Variants in CPPED1 observed in about 807,000 individuals in gnomAD.
CPPED1 encodes calcineurin like phosphoesterase domain containing 1, also known as serine/threonine-protein phosphatase CPPED1.
In CPPED1, 28 loss-of-function variants were observed where a neutral mutation model predicts 28.0. The observed-to-expected ratio is 1.00, with a 90% CI of 0.74 to 1.37. The LOEUF is 1.37. CPPED1 is among the 40% of genes most tolerant of loss of function. The probability of loss-of-function intolerance (pLI) is 0.00; values close to 1 mark genes in which losing one functional copy is unlikely to be tolerated. For missense variants in CPPED1, 504 were observed against 416.5 expected (o/e 1.21, Z -1.83); for synonymous variants, 198 against 180.2 (o/e 1.10, Z -0.79).
chr16:12,701,541 C>CA (rs1274283913), intron 3 of CPPED1, among the ~76,000 whole-genome samples: 1 of 151,894 alleles, frequency 6.6e-6, no homozygotes, highest in Admixed American at 6.6e-5. Context: ...TCTCAGCAAA[C>CA]AAAAAATTGT....
At chr16:12,781,156 A>G (rs2080528151) in intron 2 of CPPED1, 29 bp downstream of exon 2, 1 of 1,590,500 alleles carries the variant, frequency 6.3e-7, no homozygotes, top group African/African-American at 1.3e-5. Context: ...TGAAGGAGAA[A>G]AGGTCACAAG....
rs1369630143 is a variant in CPPED1, at chr16:12,670,157, G to A, written c.716-5042C>T. Among the ~76,000 whole-genome samples, 1 of 152,164 alleles carries A rather than the reference G, an allele frequency of 6.6e-6. No homozygotes were observed. The highest frequency in any genetic ancestry group is 2.4e-5 in the African/African-American group (1 of 41,432). On this transcript the variant is annotated intron_variant, in intron 3 of 3. Transcript: ENST00000381774. The surrounding 1 kb of genome is among the most constrained non-coding windows in gnomAD (Gnocchi z 4.2). The stretch of plus-strand genomic sequence containing the variant: ...ACAAAACATTACAAAATTAGCAGGT[G>A]TGGTGGCTCATGCCTGTGGTCCTAG...
intron 2 of CPPED1, among the ~76,000 whole-genome samples, chr16:12,706,431 ATACT>A (rs2080050697): frequency 6.7e-6 from 1 of 149,290 alleles, no homozygotes; most frequent in South Asian, 2.1e-4. Context: ...ACCAACCTAA[ATACT>A]TTCTTTCTTT....
Position 12,709,902 on chromosome 16 carries a change from CGG to C in CPPED1, c.290-4855_290-4854del, listed in dbSNP as rs1474422734. ...GGAAGGAAGGGAAGGAAGGGAAAGA[CGG>C]GGGGAAGGAAGGGAAGGAAGGGAAG... On this transcript the variant is annotated intron_variant, in intron 2 of 3. Transcript: ENST00000381774. The surrounding 1 kb of genome is among the most constrained non-coding windows in gnomAD (Gnocchi z 4.4). 6.4e-5 allele frequency among the ~76,000 whole-genome samples: 6 copies of C among 93,034 alleles called. No individual in the cohort carries two copies. Among genetic ancestry groups the C allele is most frequent in the African/African-American group, 2.8e-4 (6 of 21,696 alleles). The allele number at this position is 93,034 out of a possible 152,430, so 61.0% of individuals were successfully genotyped here. A position where few individuals can be genotyped will look rare whatever the true frequency, so the allele number is the denominator to read the frequency against.
intron 2 of CPPED1, among the ~76,000 whole-genome samples, chr16:12,761,326 G>A (rs796623863): frequency 6.0e-5 from 9 of 149,610 alleles, no homozygotes; most frequent in South Asian, 2.2e-4. Flanking sequence ...GAAAAGAAAA[G>A]AGGAGAAGTT....
rs149435343 is a variant in CPPED1, at chr16:12,751,596, A to G, written c.289+29589T>C. On this transcript the variant is annotated intron_variant, in intron 2 of 3. Transcript: ENST00000381774. ...AAGATGAAGGAGCAGAAAGCTAGGAAGTCCCGGGTCCCAGGAACCCATGTC... is the reference window on the plus strand; with the variant it reads ...AAGATGAAGGAGCAGAAAGCTAGGAGGTCCCGGGTCCCAGGAACCCATGTC... 4.5e-3 allele frequency among the ~76,000 whole-genome samples: 693 copies of G among 152,324 alleles called. 2 individuals carry two copies. The highest frequency in any genetic ancestry group is 0.016 in the African/African-American group (662 of 41,574).
intron 2 of CPPED1, among the ~76,000 whole-genome samples, chr16:12,719,905 C>T (rs1302155206): frequency 5.3e-5 from 8 of 151,864 alleles, no homozygotes; most frequent in African/African-American, 1.2e-4. Context: ...CACTGTACTC[C>T]AGCCTAGGCG....
At chr16:12,738,222 G>A (rs1458664679) in intron 2 of CPPED1, among the ~76,000 whole-genome samples, 1 of 152,034 alleles carries the variant, frequency 6.6e-6, no homozygotes, top group Non-Finnish European at 1.5e-5. Flanking sequence ...TAAGGAGGTT[G>A]TTGATATTAT....
At chr16:12,669,864 G>T (rs777702985) in intron 3 of CPPED1, among the ~76,000 whole-genome samples, 1 of 152,180 alleles carries the variant, frequency 6.6e-6, no homozygotes, top group African/African-American at 2.4e-5. Flanking sequence ...AAGGATAGTG[G>T]TGCTCAGAAA....
intron 2 of CPPED1, among the ~76,000 whole-genome samples, chr16:12,763,934 CA>C (rs2080424369): frequency 2.1e-5 from 3 of 145,378 alleles, no homozygotes; most frequent in Non-Finnish European, 4.5e-5. Context: ...GTATTTTGTC[CA>C]CTGAAAAAAG....
At chr16:12,796,610 C>T (rs980060319) in intron 1 of CPPED1, among the ~76,000 whole-genome samples, 5 of 152,126 alleles carry the variant, frequency 3.3e-5, no homozygotes, top group Admixed American at 2.6e-4. Flanking sequence ...AACTGGAACC[C>T]ATATACACTG....
intron 2 of CPPED1, among the ~76,000 whole-genome samples, chr16:12,713,427 G>A (rs920289779): frequency 7.2e-5 from 11 of 152,072 alleles, no homozygotes; most frequent in Admixed American, 2.0e-4. Flanking sequence ...GTGCAGTGGC[G>A]CAATCTCGGC....
chr16:12,724,111 G>T (rs901023769), intron 2 of CPPED1, among the ~76,000 whole-genome samples: 4 of 152,230 alleles, frequency 2.6e-5, no homozygotes, highest in Admixed American at 2.6e-4. Flanking sequence ...GGTTCCCTCT[G>T]GGGCTTCCTC....
intron 3 of CPPED1, among the ~76,000 whole-genome samples, chr16:12,671,767 C>T (rs1185225074): frequency 6.6e-6 from 1 of 152,092 alleles, no homozygotes; most frequent in Non-Finnish European, 1.5e-5. Context: ...TACACAAATC[C>T]CTACCATGGA....
chr16:12,743,690 C>A (rs2080267910), intron 2 of CPPED1, among the ~76,000 whole-genome samples: 1 of 152,160 alleles, frequency 6.6e-6, no homozygotes, highest in Admixed American at 6.5e-5. Context: ...AAATGGAAAT[C>A]CACGTGCTCA....
chr16:12,779,397 TC>T (rs2080516488), intron 2 of CPPED1, among the ~76,000 whole-genome samples: 11 of 151,516 alleles, frequency 7.3e-5, no homozygotes, highest in Admixed American at 5.9e-4. Flanking sequence ...TTTTTTTTTT[TC>T]TTTTTTGAGA....
chr16:12,673,724 G>A (rs978663526), intron 3 of CPPED1, among the ~76,000 whole-genome samples: 5 of 152,170 alleles, frequency 3.3e-5, no homozygotes, highest in Admixed American at 3.3e-4. Context: ...GGATTCTTAA[G>A]AGTAGCAAAG....
At position 12,661,828 on chromosome 16, in the gene CPPED1, C is replaced by A. The variant is rs551097973; in HGVS notation, c.*3058G>T. 6 of 152,486 alleles carry A rather than the reference C, an allele frequency of 3.9e-5. No individual in the cohort carries two copies. In the South Asian group the frequency reaches 1.2e-3, roughly 32 times the overall value. 9.4% of individuals were successfully genotyped at this position (152,486 alleles called of 1,614,324 possible). ...TCTGCTCTTTGGACAAGCTTCTGCC[C>A]CCTGAACCTGGTGCAATCAGGGTCT... On this transcript the variant is annotated 3_prime_UTR_variant, in exon 4 of 4. Coordinates refer to ENST00000381774, the MANE Select transcript of CPPED1 (RefSeq NM_018340.3).
chr16:12,684,467 G>A (rs926019225), intron 3 of CPPED1, among the ~76,000 whole-genome samples: 7 of 152,154 alleles, frequency 4.6e-5, no homozygotes, highest in Non-Finnish European at 7.3e-5. Flanking sequence ...TCCACTCACT[G>A]AGCAACTCCA....
Sources: allele counts gnomAD v4.1 joint callset (sites outside exome capture counted in the v4.1 genomes callset), GRCh38; gene constraint gnomAD v4.1.1; non-coding constraint Gnocchi (gnomAD v3.1); transcripts MANE v1.5; gene names NCBI Gene and HGNC (gene_info 2026-07-23, HGNC 2026-07-21).